FNDC3B: variants seen among roughly 807,000 people sequenced by gnomAD.
The protein encoded by FNDC3B is fibronectin type III domain containing 3B, also known as fibronectin type III domain-containing protein 3B.
Under a neutral mutation model 151.5 loss-of-function variants are expected in FNDC3B, and 12 were observed. The ratio of observed to expected loss-of-function variants is 0.08; its 90% CI spans 0.05 to 0.13. FNDC3B has a LOEUF of 0.13. Ranked by LOEUF, FNDC3B falls within the 10% of genes least tolerant of loss-of-function variation. FNDC3B has a pLI of 1.00. For synonymous variants in FNDC3B, 528 were observed against 549.0 expected (o/e 0.96, Z 0.54); for missense variants, 1,214 against 1,505.3 (o/e 0.81, Z 3.20).
chr3:172,082,516 G>A (rs564825721), intron 1 of FNDC3B, among the ~76,000 whole-genome samples: 1 of 144,580 alleles, frequency 6.9e-6, no homozygotes, highest in African/African-American at 2.6e-5. Flanking sequence ...AGGGCCGGGA[G>A]TCATCCTGAG....
At chr3:172,342,885 A>T in intron 17 of FNDC3B, 126 bp from the exon 18 acceptor site, 1 of 601,280 alleles carries the variant, frequency 1.7e-6, no homozygotes, top group Non-Finnish European at 3.0e-6. Flanking sequence ...CATAATGTGC[A>T]CACATTTAGT....
chr3:172,179,096 T>G (rs1379171605), intron 3 of FNDC3B, among the ~76,000 whole-genome samples: 1 of 152,176 alleles, frequency 6.6e-6, no homozygotes, highest in Admixed American at 6.5e-5. Flanking sequence ...GAGTCTTGCT[T>G]TATTGCCCAG....
At chr3:172,178,244 C>T (rs1723710705) in intron 3 of FNDC3B, among the ~76,000 whole-genome samples, 1 of 152,054 alleles carries the variant, frequency 6.6e-6, no homozygotes, top group Admixed American at 6.6e-5. Context: ...GGAGGAGAGG[C>T]AGGCAGAGGC....
chr3:172,228,452 C>A (rs187145020), intron 4 of FNDC3B, among the ~76,000 whole-genome samples: 2 of 152,264 alleles, frequency 1.3e-5, no homozygotes, highest in African/African-American at 4.8e-5. Context: ...ACATTTCTAA[C>A]GGAGAGAAGC....
chr3:172,060,724 A>C (rs997118699), intron 1 of FNDC3B, among the ~76,000 whole-genome samples: 2 of 152,216 alleles, frequency 1.3e-5, no homozygotes, highest in Admixed American at 1.3e-4. Context: ...TGGCAAACAG[A>C]CTGCTCAGCA....
intron 6 of FNDC3B, among the ~76,000 whole-genome samples, chr3:172,280,095 C>T (rs908989219): frequency 6.6e-6 from 1 of 152,028 alleles, no homozygotes; most frequent in Admixed American, 6.6e-5. Flanking sequence ...TTGTATTTTT[C>T]GTAGAGATGG....
At chr3:172,343,952 T>C (rs2108311001) in intron 18 of FNDC3B, 134 bp from the exon 19 acceptor site, 1 of 707,320 alleles carries the variant, frequency 1.4e-6, no homozygotes, top group Admixed American at 2.6e-5. Context: ...TTGGTGGGCA[T>C]GGATTCTTTT....
chr3:172,342,596 T>C (rs575816549), intron 17 of FNDC3B, among the ~76,000 whole-genome samples: 15 of 152,350 alleles, frequency 9.8e-5, no homozygotes, highest in Admixed American at 9.8e-4. Flanking sequence ...GTTTATTTGC[T>C]TTTCTGCTCT....
chr3:172,160,910 G>A (rs1293613396), intron 3 of FNDC3B, among the ~76,000 whole-genome samples: 3 of 152,008 alleles, frequency 2.0e-5, no homozygotes, highest in Non-Finnish European at 4.4e-5. Context: ...GAATTTTTGT[G>A]AACTTTCCAA....
At chr3:172,341,835 G>A (rs967037421) in intron 17 of FNDC3B, among the ~76,000 whole-genome samples, 7 of 152,252 alleles carry the variant, frequency 4.6e-5, no homozygotes, top group Non-Finnish European at 7.4e-5. Context: ...AACATGTCAG[G>A]AGCCTTAGTT....
At chr3:172,066,363 G>A (rs972046764) in intron 1 of FNDC3B, among the ~76,000 whole-genome samples, 1 of 152,186 alleles carries the variant, frequency 6.6e-6, no homozygotes, top group African/African-American at 2.4e-5. Context: ...ACCCTGGAAG[G>A]GGAACGATGT....
intron 2 of FNDC3B, among the ~76,000 whole-genome samples, chr3:172,113,735 C>T (rs1720103616): frequency 1.3e-5 from 2 of 152,144 alleles, no homozygotes; most frequent in Admixed American, 6.5e-5. Flanking sequence ...AAAACAAAAC[C>T]TCCTCAGTTG....
chr3:172,154,683 G>A (rs921729902), intron 3 of FNDC3B, among the ~76,000 whole-genome samples: 3 of 152,088 alleles, frequency 2.0e-5, no homozygotes, highest in Admixed American at 1.3e-4. Context: ...CCACACTCCC[G>A]CATACTTAAT....
chr3:172,393,662 A>AAGAAACT (rs1402893008), intron 25 of FNDC3B, among the ~76,000 whole-genome samples: 2 of 152,238 alleles, frequency 1.3e-5, no homozygotes, highest in Admixed American at 1.3e-4. Flanking sequence ...CCACAGTGTT[A>AAGAAACT]AGAAACTAGA....
chr3:172,221,623 T>G (rs2108732250), intron 3 of FNDC3B, among the ~76,000 whole-genome samples: 1 of 152,324 alleles, frequency 6.6e-6, no homozygotes, highest in East Asian at 1.9e-4. Flanking sequence ...AAAGTTAGCA[T>G]CTGTGCTTTA....
intron 1 of FNDC3B, among the ~76,000 whole-genome samples, chr3:172,076,638 G>A (rs1262608157): frequency 2.0e-5 from 3 of 151,302 alleles, no homozygotes; most frequent in East Asian, 3.9e-4. Context: ...TAAACAGAGT[G>A]GAAATTAGAG....
intron 1 of FNDC3B, among the ~76,000 whole-genome samples, chr3:172,066,140 G>A (rs1456762049): frequency 6.6e-6 from 1 of 152,152 alleles, no homozygotes; most frequent in East Asian, 1.9e-4. Context: ...GCCCACAACT[G>A]TTATTTAGTA....
At chr3:172,095,797 AAAC>A (rs1719063940) in intron 1 of FNDC3B, among the ~76,000 whole-genome samples, 2 of 17,538 alleles carry the variant, frequency 1.1e-4, no homozygotes, top group Admixed American at 8.2e-4. Context: ...TTAAAAAAAC[AAAC>A]AAACAAACAA....
At chr3:172,167,125 T>G (rs1041870592) in intron 3 of FNDC3B, among the ~76,000 whole-genome samples, 1 of 152,132 alleles carries the variant, frequency 6.6e-6, no homozygotes, top group Non-Finnish European at 1.5e-5. Context: ...GCCGGGTACA[T>G]TGGCTCACGC....
Sources: gnomAD v4.1 joint callset for allele counts (sites outside exome capture counted in the v4.1 genomes callset) on GRCh38, gnomAD v4.1.1 for gene constraint, MANE v1.5 for transcripts, NCBI Gene and HGNC (gene_info 2026-07-23, HGNC 2026-07-21) for gene names.